GFM1: variants seen among roughly 807,000 people sequenced by gnomAD.
The protein encoded by GFM1 is G elongation factor mitochondrial 1.
Under a neutral mutation model 96.2 loss-of-function variants are expected in GFM1, and 62 were observed. The observed-to-expected ratio is 0.64, with a 90% confidence interval of 0.53 to 0.80. GFM1 has a LOEUF of 0.80. Ranked by LOEUF, GFM1 falls within the 30% of genes least tolerant of loss-of-function variation. The probability of loss-of-function intolerance (pLI) is 0.00; values close to 1 mark genes in which losing one functional copy is unlikely to be tolerated. For synonymous variants in GFM1, 282 were observed against 312.9 expected, an observed-to-expected ratio of 0.90 and a Z score of 1.04; for missense variants, 852 against 916.6, an observed-to-expected ratio of 0.93 and a Z score of 0.91.
At position 158,646,730 on chromosome 3, in the gene GFM1, T is replaced by A. The variant is rs190018924; in HGVS notation, c.368-13T>A. 1.7e-5 allele frequency: 28 copies of A among 1,608,898 alleles called. No individual in the cohort carries two copies. The Admixed American group carries it at 4.2e-4, about 24-fold the overall frequency. On this transcript the variant is annotated splice_polypyrimidine_tract_variant and intron_variant, in intron 3 of 17. Coordinates refer to ENST00000486715, the MANE Select transcript of GFM1 (RefSeq NM_024996.7). The stretch of plus-strand genomic sequence containing the variant: ...TTGCTCTTTAAGACCCTCTCATACT[T>A]CATCTTATTCAGGGCATGTGGACTT...
chr3:158,658,022 T>A (rs1400982364), intron 8 of GFM1, among the ~76,000 whole-genome samples: 1 of 152,196 alleles, frequency 6.6e-6, no homozygotes, highest in East Asian at 1.9e-4. Flanking sequence ...TTAAAATCAC[T>A]AATCATGTTT....
rs1726476712 is a variant in GFM1 at position 158,694,384 on chromosome 3, AACACATGGAC to A, written c.*2923_*2932del. On this transcript the variant is annotated 3_prime_UTR_variant, in exon 18 of 18. Transcript: ENST00000486715. Reference sequence around the variant, plus strand: ...TTATAAGTGGGAGCTAAATAATGAGAACACATGGACACACAGAGGGGAACAACACACACTG... The same window carrying A: ...TTATAAGTGGGAGCTAAATAATGAGAACACAGAGGGGAACAACACACACTG... 6.6e-6 allele frequency among the ~76,000 whole-genome samples: 1 copy of A among 152,200 alleles called. No individual in the cohort carries two copies. Among genetic ancestry groups the A allele is most frequent in the Admixed American group, 6.5e-5 (1 of 15,272 alleles).
In GFM1 at chr3:158,667,104, A is replaced by C. The variant is rs1441733177; in HGVS notation, c.1601+718A>C. The C allele has an allele frequency of 1.9e-6, 3 of 1,548,636 alleles. No homozygotes were observed. The Admixed American group carries it at 6.4e-5, about 33-fold the overall frequency. On this transcript the variant is annotated intron_variant, in intron 13 of 17. Transcript: ENST00000486715. ...GACAAAAAATAAAAACGTGTTGTTT[A>C]AAACTTAATATCTTTGGCAAAAATT...
chr3:158,663,912 A>G (rs2108047193), intron 11 of GFM1, among the ~76,000 whole-genome samples: 1 of 152,320 alleles, frequency 6.6e-6, no homozygotes, highest in African/African-American at 2.4e-5. Context: ...ATGAGTCTCA[A>G]TAGTGGGGGC....
intron 11 of GFM1, among the ~76,000 whole-genome samples, chr3:158,664,339 G>A (rs1359522729): frequency 6.6e-6 from 1 of 152,194 alleles, no homozygotes; most frequent in African/African-American, 2.4e-5. Flanking sequence ...CAAGATATTG[G>A]TAATGTTGTT....
At chr3:158,670,160 A>G (rs953175436) in intron 13 of GFM1, among the ~76,000 whole-genome samples, 1 of 152,218 alleles carries the variant, frequency 6.6e-6, no homozygotes, top group African/African-American at 2.4e-5. Context: ...TTAAAATTTC[A>G]AGATGGCTGT....
chr3:158,650,035 A>G (rs1014396205), intron 5 of GFM1: 19 of 1,535,958 alleles, frequency 1.2e-5, no homozygotes, highest in Non-Finnish European at 1.5e-5. Flanking sequence ...TTCCTCTGCT[A>G]TGGAATTGGG....
chr3:158,685,529 G>A (rs62288306), intron 15 of GFM1, among the ~76,000 whole-genome samples: 26,906 of 152,124 alleles, frequency 0.18, 2,454 homozygotes, highest in Non-Finnish European at 0.22. Context: ...CTGTAGATCA[G>A]GATTTATTGA....
chr3:158,656,920 T>C (rs9819567), intron 8 of GFM1: 87,902 of 152,012 alleles, frequency 0.58, 26,246 homozygotes, highest in African/African-American at 0.73. Flanking sequence ...ACAAGACGCC[T>C]CAGGCTTATC....
Position 158,644,566 on chromosome 3 carries a change from T to G in GFM1, c.-69T>G. On this transcript the variant is annotated 5_prime_UTR_variant, in exon 1 of 18. Transcript: ENST00000486715. ...GGCTGCCGGCGTGACTTTGACCGCTTCCCGGTGCGTTACCGGCAGCTGAAC... is the reference window on the plus strand; with the variant it reads ...GGCTGCCGGCGTGACTTTGACCGCTGCCCGGTGCGTTACCGGCAGCTGAAC... The G allele has an allele frequency of 7.5e-7, 1 of 1,326,352 alleles. No individual in the cohort carries two copies. Among genetic ancestry groups the G allele is most frequent in the Non-Finnish European group, 1.1e-6 (1 of 945,672 alleles). 82.2% of individuals were successfully genotyped at this position (1,326,352 alleles called of 1,614,324 possible).
At chr3:158,645,946 T>C (rs1328488171) in intron 2 of GFM1, 165 bp downstream of exon 2, 1 of 838,394 alleles carries the variant, frequency 1.2e-6, no homozygotes. Context: ...ATCTGTGTTC[T>C]GGTTTTATTT....
At chr3:158,684,708 G>A (rs762381441) in intron 15 of GFM1, 40 bp downstream of exon 15, 4 of 1,608,608 alleles carry the variant, frequency 2.5e-6, no homozygotes, top group Admixed American at 3.3e-5. Context: ...CTGTTTTCCT[G>A]ATAGATCATC....
Position 158,665,254 on chromosome 3 carries a change from T to G in GFM1, c.1381-83T>G. 4 of 995,944 alleles carry G rather than the reference T, an allele frequency of 4.0e-6. No individual in the cohort carries two copies. The South Asian group carries it at 5.4e-5, about 13-fold the overall frequency. 61.7% of individuals were successfully genotyped at this position (995,944 alleles called of 1,614,324 possible). A position where few individuals can be genotyped will look rare whatever the true frequency, so the allele number is the denominator to read the frequency against. The stretch of plus-strand genomic sequence containing the variant: ...ATTTCTTAACTGCTGATGTATTTTA[T>G]TTCATTCAGTAAAGTTTTTTCTAAA... On this transcript the variant is annotated intron_variant, in intron 11 of 17. Transcript: ENST00000486715.
chr3:158,652,049 A>G (rs867158942), intron 5 of GFM1, 47 bp from the exon 6 acceptor site: 7 of 1,513,914 alleles, frequency 4.6e-6, no homozygotes, highest in Non-Finnish European at 5.5e-6. Context: ...AGTCCTTCAT[A>G]TATTAAGTTG....
intron 14 of GFM1, among the ~76,000 whole-genome samples, chr3:158,683,067 T>C (rs1186144463): frequency 6.6e-6 from 1 of 151,876 alleles, no homozygotes; most frequent in African/African-American, 2.4e-5. Context: ...TTGTAAACCC[T>C]TAATTAATTC....
At chr3:158,678,216 C>T (rs1725066094) in intron 13 of GFM1, among the ~76,000 whole-genome samples, 1 of 152,122 alleles carries the variant, frequency 6.6e-6, no homozygotes, top group South Asian at 2.1e-4. Context: ...ATGTTGTTTC[C>T]ATGCCCGCCA....
intron 13 of GFM1, chr3:158,666,672 G>T: frequency 6.2e-7 from 1 of 1,613,922 alleles, no homozygotes. Context: ...TCCTTTGGCA[G>T]ACGGCTATTA....
rs745537487 is a variant in GFM1, at chr3:158,646,311, T to C, written c.367+14T>C. 21 of 1,613,854 alleles carry C rather than the reference T, an allele frequency of 1.3e-5. No individual in the cohort carries two copies. Among genetic ancestry groups the C allele is most frequent in the Non-Finnish European group, 1.8e-5 (21 of 1,179,826 alleles). ...TAGATACTCCTGGTGAGTTGGATTC[T>C]TGGTTTTATTGCAGCTTCTTTGGCA... On this transcript the variant is annotated intron_variant, in intron 3 of 17. Coordinates refer to ENST00000486715, the MANE Select transcript of GFM1 (RefSeq NM_024996.7).
intron 10 of GFM1, among the ~76,000 whole-genome samples, chr3:158,661,905 C>CA (rs562241670): frequency 5.9e-5 from 9 of 151,442 alleles, no homozygotes; most frequent in African/African-American, 1.7e-4. Flanking sequence ...TAAGACACTA[C>CA]AAAAAAAACA....
Sources: allele counts gnomAD v4.1 joint callset (sites outside exome capture counted in the v4.1 genomes callset), GRCh38; gene constraint gnomAD v4.1.1; transcripts MANE v1.5; gene names NCBI Gene and HGNC (gene_info 2026-07-23, HGNC 2026-07-21).